The following SNX27 variants were observed in gnomAD, a reference collection of about 807,000 sequenced individuals.
The protein encoded by SNX27 is sorting nexin 27.
In SNX27, 22 loss-of-function variants were observed where a neutral mutation model predicts 71.6. The observed-to-expected ratio is 0.31, with a 90% CI of 0.22 to 0.44. SNX27 has a LOEUF of 0.44. SNX27 is among the 20% of genes least tolerant of loss of function. The probability of loss-of-function intolerance (pLI) is 1.00; values close to 1 mark genes in which losing one functional copy is unlikely to be tolerated. For synonymous variants in SNX27, 269 were observed against 277.2 expected, an observed-to-expected ratio of 0.97 and a Z score of 0.29; for missense variants, 531 against 698.6, an observed-to-expected ratio of 0.76 and a Z score of 2.70.
chr1:151,657,996 A>G (rs543008854), intron 2 of SNX27, among the ~76,000 whole-genome samples: 29 of 152,218 alleles, frequency 1.9e-4, no homozygotes, highest in African/African-American at 6.7e-4. Flanking sequence ...GTGAGATTCC[A>G]TCTCAAAAAA....
chr1:151,680,231 G>C (rs1307202836), intron 7 of SNX27: 1 of 150,226 alleles, frequency 6.7e-6, no homozygotes, highest in African/African-American at 2.5e-5. Context: ...GGCTCACGGA[G>C]ATGTAACCTC....
At chr1:151,693,124 A>C in intron 10 of SNX27, 85 bp downstream of exon 10, 1 of 1,534,376 alleles carries the variant, frequency 6.5e-7, no homozygotes, top group Non-Finnish European at 8.8e-7. Context: ...GGAGAGAGAG[A>C]TAGAGCTAGT....
At chr1:151,647,082 A>C (rs1669079933) in intron 2 of SNX27, among the ~76,000 whole-genome samples, 3 of 148,600 alleles carry the variant, frequency 2.0e-5, no homozygotes, top group African/African-American at 7.4e-5. Context: ...GTTAAATATA[A>C]TTGTTTTTGC....
intron 2 of SNX27, among the ~76,000 whole-genome samples, chr1:151,655,874 A>G (rs1486071583): frequency 1.3e-5 from 2 of 152,172 alleles, no homozygotes; most frequent in Non-Finnish European, 2.9e-5. Flanking sequence ...TCTACTTCAT[A>G]TTATATAGAG....
At chr1:151,640,452 A>G (rs1042649632) in intron 2 of SNX27, among the ~76,000 whole-genome samples, 2 of 152,140 alleles carry the variant, frequency 1.3e-5, no homozygotes, top group Non-Finnish European at 2.9e-5. Flanking sequence ...ATCTTGGCTC[A>G]CTGCAATCTC....
intron 8 of SNX27, 54 bp downstream of exon 8, chr1:151,683,499 C>G: frequency 7.6e-7 from 1 of 1,311,316 alleles, no homozygotes. Context: ...ACCTTTAAAA[C>G]CTATAGTCCT....
intron 2 of SNX27, among the ~76,000 whole-genome samples, chr1:151,641,661 A>T (rs866937088): frequency 2.2e-3 from 282 of 126,042 alleles, no homozygotes; most frequent in African/African-American, 7.8e-3. Context: ...CATATGTATC[A>T]GATATATATA....
chr1:151,619,216 C>T (rs981992063), intron 1 of SNX27, among the ~76,000 whole-genome samples: 1 of 152,146 alleles, frequency 6.6e-6, no homozygotes, highest in Non-Finnish European at 1.5e-5. Context: ...TGGCGCATGC[C>T]TATAGTCCCA....
Position 151,694,484 on chromosome 1 carries a change from CAG to C in SNX27, c.*70_*71del. On this transcript the variant is annotated 3_prime_UTR_variant, in exon 12 of 12. Coordinates refer to ENST00000458013, the MANE Select transcript of SNX27 (RefSeq NM_001330723.2). ...TACTCCTTTCATGTCCCATTTCAGA[CAG>C]AGTAACCATTAACAAAAAAGAAGAG... 7.0e-7 allele frequency: 1 copy of C among 1,425,974 alleles called. No individual in the cohort carries two copies. The highest frequency in any genetic ancestry group is 9.4e-7 in the Non-Finnish European group (1 of 1,059,206). The allele number at this position is 1,425,974 out of a possible 1,614,324, so 88.3% of individuals were successfully genotyped here.
chr1:151,683,486 C>G, intron 8 of SNX27, 41 bp downstream of exon 8: 1 of 1,466,534 alleles, frequency 6.8e-7, no homozygotes, highest in Non-Finnish European at 9.5e-7. Context: ...AATGCCCCTT[C>G]CTACCTTTAA....
intron 8 of SNX27, among the ~76,000 whole-genome samples, chr1:151,688,415 C>G (rs535213617): frequency 1.3e-5 from 2 of 152,078 alleles, no homozygotes; most frequent in Non-Finnish European, 2.9e-5. Flanking sequence ...AGGCAGATCA[C>G]GAGGTCAGGA....
chr1:151,621,722 T>C (rs1384201855), intron 1 of SNX27, among the ~76,000 whole-genome samples: 1 of 152,220 alleles, frequency 6.6e-6, no homozygotes, highest in Non-Finnish European at 1.5e-5. Flanking sequence ...ATCTATGTGT[T>C]GATCTAGTTT....
At chr1:151,637,152 C>CTTT (rs1668494642) in intron 1 of SNX27, among the ~76,000 whole-genome samples, 1 of 116,882 alleles carries the variant, frequency 8.6e-6, no homozygotes, top group African/African-American at 3.1e-5. Flanking sequence ...GAGTTGATCA[C>CTTT]GTTTTTTTTG....
At chr1:151,641,598 GAT>G (rs56886589) in intron 2 of SNX27, among the ~76,000 whole-genome samples, 2,271 of 78,916 alleles carry the variant, frequency 0.029, 65 homozygotes, top group African/African-American at 0.06. Flanking sequence ...TCCTTTATCA[GAT>G]ATATATATAT....
rs1553267129 is a variant in SNX27 at position 151,696,498 on chromosome 1, T to TTTCTTTCTTTCTTTCTTTCG, written c.*2088_*2089insTTTCTTTCTTTCGTTCTTTC. On this transcript the variant is annotated 3_prime_UTR_variant, in exon 12 of 12. Coordinates refer to ENST00000458013, the MANE Select transcript of SNX27 (RefSeq NM_001330723.2). ...CTTTCTTTCTTTCTTTCTTTCTTTC[T>TTTCTTTCTTTCTTTCTTTCG]TTCTTTCGTTCTTTCGTTCTTTCGT... is the stretch of plus-strand genomic sequence containing the variant. The TTTCTTTCTTTCTTTCTTTCG allele has an allele frequency of 2.4e-3, 261 of 106,544 alleles. 1 individual carries two copies. Among genetic ancestry groups the TTTCTTTCTTTCTTTCTTTCG allele is most frequent in the Admixed American group, 4.3e-3 (47 of 10,912 alleles). 6.6% of individuals were successfully genotyped at this position (106,544 alleles called of 1,614,324 possible). A position where few individuals can be genotyped will look rare whatever the true frequency, so the allele number is the denominator to read the frequency against.
chr1:151,668,533 T>G lies in SNX27; in HGVS notation c.1047T>G (p.Ala349=), dbSNP rs1322231278. 1.2e-6 allele frequency: 2 copies of G among 1,614,126 alleles called. No homozygotes were observed. Among genetic ancestry groups the G allele is most frequent in the Non-Finnish European group, 1.7e-6 (2 of 1,179,992 alleles). ...HKLYIQNYTS[A]VPGTCLTIRK... ...TCTACATTCAGAATTATACATCAGC[T>G]GTGCCAGGCACCTGCTTGACCATTC... Residue 349 remains alanine (A), a synonymous_variant, in exon 7 of 12, where the codon GCT becomes GCG. Transcript: ENST00000458013.
rs902538340 is a variant in SNX27, at chr1:151,696,878, G to A, written c.*2461G>A. The A allele has an allele frequency of 6.6e-6, 1 of 152,072 alleles. No individual in the cohort carries two copies. The highest frequency in any genetic ancestry group is 1.5e-5 in the Non-Finnish European group (1 of 68,038). 9.4% of individuals were successfully genotyped at this position (152,072 alleles called of 1,614,324 possible). A position where few individuals can be genotyped will look rare whatever the true frequency, so the allele number is the denominator to read the frequency against. On this transcript the variant is annotated 3_prime_UTR_variant, in exon 12 of 12. Coordinates refer to ENST00000458013, the MANE Select transcript of SNX27 (RefSeq NM_001330723.2). ...ATGGCCAGGTTGGTTTTGAACTCCT[G>A]ACCTCAAGTAATCTGCCCACCTCGG...
At chr1:151,670,903 G>A (rs1322430336) in intron 7 of SNX27, among the ~76,000 whole-genome samples, 1 of 152,090 alleles carries the variant, frequency 6.6e-6, no homozygotes, top group Non-Finnish European at 1.5e-5. Flanking sequence ...TCTTGTAGTA[G>A]TTTCATAGCT....
Position 151,612,059 on chromosome 1 carries a change from C to A in SNX27, c.-143C>A. 2 of 936,666 alleles carry A rather than the reference C, an allele frequency of 2.1e-6. No individual in the cohort carries two copies. The highest frequency in any genetic ancestry group is 2.9e-6 in the Non-Finnish European group (2 of 700,040). 58.0% of individuals were successfully genotyped at this position (936,666 alleles called of 1,614,324 possible). On this transcript the variant is annotated 5_prime_UTR_variant, in exon 1 of 12. Coordinates refer to ENST00000458013, the MANE Select transcript of SNX27 (RefSeq NM_001330723.2). This position sits in a 1 kb window ranked among gnomAD's most constrained non-coding sequence, Gnocchi z 5.2. ...CCCCTGCCTCCTCTTCACCCCGCGCCAGCAGCTCGGTGGCCGAGTCGGTCC... is the reference window on the plus strand; with the variant it reads ...CCCCTGCCTCCTCTTCACCCCGCGCAAGCAGCTCGGTGGCCGAGTCGGTCC...
Sources: gnomAD v4.1 joint callset for allele counts (sites outside exome capture counted in the v4.1 genomes callset) on GRCh38, gnomAD v4.1.1 for gene constraint, Gnocchi (gnomAD v3.1) non-coding constraint, MANE v1.5 for transcripts, NCBI Gene and HGNC (gene_info 2026-07-23, HGNC 2026-07-21) for gene names.